TDRD12: variants seen among roughly 807,000 people sequenced by gnomAD.
TDRD12 encodes the protein putative ATP-dependent RNA helicase TDRD12.
Under a neutral mutation model 133.5 loss-of-function variants are expected in TDRD12, and 158 were observed. The ratio of observed to expected loss-of-function variants is 1.18; its 90% confidence interval spans 1.04 to 1.35. The LOEUF is 1.35. Ranked by LOEUF, TDRD12 falls within the 40% of genes most tolerant of loss-of-function variation. TDRD12 has a pLI of 0.00. For missense variants in TDRD12, 1,443 were observed against 1,321.3 expected, an observed-to-expected ratio of 1.09 and a Z score of -1.43; for synonymous variants, 460 against 477.9, an observed-to-expected ratio of 0.96 and a Z score of 0.49.
intron 8 of TDRD12, 95 bp downstream of exon 8, chr19:32,757,225 T>A (rs1207664060): frequency 3.3e-5 from 32 of 981,476 alleles, no homozygotes; most frequent in Non-Finnish European, 4.8e-5. Context: ...AAGGCCATGG[T>A]AATTCTTTCT....
At chr19:32,819,651 C>G (rs1967310458) in intron 27 of TDRD12, among the ~76,000 whole-genome samples, 1 of 152,146 alleles carries the variant, frequency 6.6e-6, no homozygotes, top group African/African-American at 2.4e-5. Context: ...GAGCATACAG[C>G]ACTGCGAGGT....
intron 2 of TDRD12, among the ~76,000 whole-genome samples, chr19:32,737,976 A>T (rs1231454856): frequency 6.6e-6 from 1 of 152,094 alleles, no homozygotes; most frequent in African/African-American, 2.4e-5. Context: ...CTACTAAAAA[A>T]ATTTCTTAAA....
intron 14 of TDRD12, among the ~76,000 whole-genome samples, chr19:32,797,037 G>A (rs372443941): frequency 6.7e-6 from 1 of 149,962 alleles, no homozygotes; most frequent in East Asian, 2.0e-4. Flanking sequence ...CTGGAGTGCA[G>A]TGGCTCCATC....
chr19:32,742,988 G>C, intron 4 of TDRD12, 88 bp downstream of exon 4: 2 of 1,477,106 alleles, frequency 1.4e-6, no homozygotes, highest in African/African-American at 1.4e-5. Flanking sequence ...TTCCTCTGTA[G>C]AAGTGCTGAG....
exon 13 of TDRD12, chr19:32,790,974 T>G (rs1242196339): frequency 6.5e-7 from 1 of 1,535,874 alleles, no homozygotes; most frequent in East Asian, 2.4e-5. Context: ...TTGCAGAAGC[T>G]GAAGGGCCTG....
intron 2 of TDRD12, among the ~76,000 whole-genome samples, chr19:32,732,508 A>G (rs990673731): frequency 6.6e-6 from 1 of 152,194 alleles, no homozygotes; most frequent in Non-Finnish European, 1.5e-5. Flanking sequence ...TAGGGTCTTC[A>G]GTGTAGGGCC....
chr19:32,779,971 A>G (rs933622768), intron 11 of TDRD12, among the ~76,000 whole-genome samples: 11 of 151,532 alleles, frequency 7.3e-5, no homozygotes, highest in Non-Finnish European at 7.4e-5. Context: ...TGTGATATTC[A>G]TTCTTTATTC....
chr19:32,726,593 CT>C (rs1339852235), intron 1 of TDRD12, among the ~76,000 whole-genome samples: 1 of 152,020 alleles, frequency 6.6e-6, no homozygotes, highest in Non-Finnish European at 1.5e-5. Context: ...TCAGAATTTC[CT>C]TTCTTTTGAA....
intron 25 of TDRD12, among the ~76,000 whole-genome samples, chr19:32,815,059 C>G (rs1040747625): frequency 2.6e-5 from 4 of 152,218 alleles, no homozygotes; most frequent in African/African-American, 7.2e-5. Context: ...TGGCTTAGGT[C>G]CTTCCCATCA....
chr19:32,743,952 C>T (rs1043393911), intron 4 of TDRD12, among the ~76,000 whole-genome samples: 8 of 149,902 alleles, frequency 5.3e-5, no homozygotes, highest in East Asian at 2.0e-4. Context: ...TGCTTGAACC[C>T]GGGAGGCAGA....
chr19:32,814,452 T>A (rs1365146755), intron 25 of TDRD12, among the ~76,000 whole-genome samples: 2 of 152,208 alleles, frequency 1.3e-5, no homozygotes. Flanking sequence ...GTTGGAAAAG[T>A]TTTAACATGT....
At chr19:32,793,986 G>T (rs912256813) in intron 13 of TDRD12, among the ~76,000 whole-genome samples, 1 of 149,300 alleles carries the variant, frequency 6.7e-6, no homozygotes, top group Non-Finnish European at 1.5e-5. Flanking sequence ...TAGAGACGGG[G>T]TTTCTGCATC....
At chr19:32,807,612 G>A in exon 22 of TDRD12, 1 of 1,535,174 alleles carries the variant, frequency 6.5e-7, no homozygotes, top group South Asian at 1.2e-5. Flanking sequence ...CCAGGAAACT[G>A]TCCAGCCAAG....
intron 1 of TDRD12, among the ~76,000 whole-genome samples, chr19:32,722,035 G>C (rs1968699845): frequency 6.6e-6 from 1 of 152,098 alleles, no homozygotes; most frequent in African/African-American, 2.4e-5. Context: ...TTTAAAACCA[G>C]CACTCTCCTG....
intron 1 of TDRD12, among the ~76,000 whole-genome samples, chr19:32,722,113 T>C (rs1968701972): frequency 6.6e-6 from 1 of 152,182 alleles, no homozygotes; most frequent in East Asian, 1.9e-4. Context: ...AGCTGACTCT[T>C]ACAGAGAATT....
chr19:32,749,556 A>G (rs886809443), intron 5 of TDRD12, among the ~76,000 whole-genome samples: 2 of 151,948 alleles, frequency 1.3e-5, no homozygotes, highest in Admixed American at 1.3e-4. Flanking sequence ...AGGCATGGAG[A>G]AGAGAGGACC....
chr19:32,755,164 C>T (rs1969956395), intron 6 of TDRD12, among the ~76,000 whole-genome samples: 1 of 152,204 alleles, frequency 6.6e-6, no homozygotes, highest in Non-Finnish European at 1.5e-5. Flanking sequence ...TACCCATTAA[C>T]TCGTTGATGG....
exon 26 of TDRD12, chr19:32,815,553 G>C (rs113250771): frequency 1.9e-5 from 29 of 1,536,196 alleles, no homozygotes; most frequent in Non-Finnish European, 2.4e-5. Context: ...AGAACACATA[G>C]AACAACTGAA....
At chr19:32,781,171 C>T in intron 11 of TDRD12, among the ~76,000 whole-genome samples, 1 of 152,082 alleles carries the variant, frequency 6.6e-6, no homozygotes, top group Non-Finnish European at 1.5e-5. Context: ...TCTCTATCTC[C>T]TGACCTCAAG....
Sources: gnomAD v4.1 joint callset for allele counts (sites outside exome capture counted in the v4.1 genomes callset) on GRCh38, gnomAD v4.1.1 for gene constraint, MANE v1.5 for transcripts, NCBI Gene and HGNC (gene_info 2026-07-23, HGNC 2026-07-21) for gene names.